The following EPHA4 variants were observed in gnomAD, a reference collection of about 807,000 sequenced individuals.
EPHA4 encodes EPH receptor A4.
A neutral mutation model predicts 108.3 loss-of-function variants in EPHA4; 19 were observed. That is an observed-to-expected ratio of 0.18 (90% CI 0.12 to 0.26). The LOEUF (loss-of-function observed/expected upper bound fraction) is 0.26, where lower values mean the gene tolerates loss of function less well. Among genes scored for constraint, EPHA4 ranks in the 10% least tolerant of loss-of-function variants. EPHA4 has a pLI of 1.00. For missense variants in EPHA4, 917 were observed against 1,254.0 expected, an observed-to-expected ratio of 0.73 and a Z score of 4.06; for synonymous variants, 449 against 455.5, an observed-to-expected ratio of 0.99 and a Z score of 0.18.
chr2:221,454,218 A>C (rs1007987772), intron 8 of EPHA4, among the ~76,000 whole-genome samples: 6 of 151,824 alleles, frequency 4.0e-5, no homozygotes, highest in Non-Finnish European at 8.8e-5. Flanking sequence ...ACATGTACCA[A>C]CTGGGACCAT....
intron 3 of EPHA4, among the ~76,000 whole-genome samples, chr2:221,527,706 G>A (rs569816143): frequency 1.3e-5 from 2 of 152,310 alleles, no homozygotes; most frequent in Admixed American, 6.5e-5. Context: ...GCCTGGATCA[G>A]TTCTGAAGAT....
intron 3 of EPHA4, among the ~76,000 whole-genome samples, chr2:221,560,203 G>A (rs1694421170): frequency 6.6e-6 from 1 of 151,866 alleles, no homozygotes; most frequent in African/African-American, 2.4e-5. Context: ...AAGGAAGATG[G>A]ATGAGGAAGT....
intron 15 of EPHA4, among the ~76,000 whole-genome samples, chr2:221,427,697 A>C (rs951202653): frequency 1.3e-5 from 2 of 150,860 alleles, no homozygotes; most frequent in Non-Finnish European, 2.9e-5. Context: ...TTAAGTACAA[A>C]CATTTAAATC....
chr2:221,502,448 G>C (rs979586363), intron 3 of EPHA4: 14 of 465,660 alleles, frequency 3.0e-5, no homozygotes, highest in African/African-American at 2.8e-4. Flanking sequence ...AACAGCAGTG[G>C]GGAGAAGGAC....
chr2:221,466,609 C>T (rs1691320727), intron 5 of EPHA4, among the ~76,000 whole-genome samples: 1 of 152,222 alleles, frequency 6.6e-6, no homozygotes, highest in Non-Finnish European at 1.5e-5. Flanking sequence ...ATGTCTGTAA[C>T]AACATACACA....
At chr2:221,435,793 G>A (rs1045987279) in intron 13 of EPHA4, among the ~76,000 whole-genome samples, 2 of 152,102 alleles carry the variant, frequency 1.3e-5, no homozygotes, top group African/African-American at 4.8e-5. Context: ...GGAAAACCTT[G>A]CATGGTATAA....
At position 221,562,273 on chromosome 2, in the gene EPHA4, C is replaced by A. The variant is rs1694492234; in HGVS notation, c.823+1458G>T. ...AGATAGCCACTCTTTTTTCTATTTA[C>A]CACAAAATGAAAGAACATTCACTGT... On this transcript the variant is annotated intron_variant, in intron 3 of 17. Transcript: ENST00000281821. 3.3e-5 allele frequency among the ~76,000 whole-genome samples: 5 copies of A among 150,028 alleles called. No homozygotes were observed. In the South Asian group the frequency reaches 1.1e-3, roughly 32 times the overall value.
In EPHA4 at chr2:221,425,686, G is replaced by C. The variant is rs1171737580; in HGVS notation, c.*342C>G. On this transcript the variant is annotated 3_prime_UTR_variant, in exon 17 of 18. Transcript: ENST00000281821. ...TAATTCCAAATGGAGAGAGAATCAGGGATGTCTCAGAAGCTCAGTGTCTGG... is the reference window on the plus strand; with the variant it reads ...TAATTCCAAATGGAGAGAGAATCAGCGATGTCTCAGAAGCTCAGTGTCTGG... 1 of 205,856 alleles carries C rather than the reference G, an allele frequency of 4.9e-6. No homozygotes were observed. The highest frequency in any genetic ancestry group is 5.5e-5 in the Admixed American group (1 of 18,124). The allele number at this position is 205,856 out of a possible 1,614,324, so 12.8% of individuals were successfully genotyped here. A position where few individuals can be genotyped will look rare whatever the true frequency, so the allele number is the denominator to read the frequency against.
chr2:221,572,356 G>A (rs1403745996), upstream of EPHA4: 2 of 976,162 alleles, frequency 2.0e-6, no homozygotes, highest in Non-Finnish European at 3.1e-6. Context: ...GGGCCCGGCC[G>A]GTGACGTGAG....
In EPHA4 at chr2:221,571,687, A is replaced by G. The variant is rs1694843412; in HGVS notation, c.91+471T>C. Among the ~76,000 whole-genome samples, 1 of 152,182 alleles carries G rather than the reference A, an allele frequency of 6.6e-6. No homozygotes were observed. Among genetic ancestry groups the G allele is most frequent in the Non-Finnish European group, 1.5e-5 (1 of 68,020 alleles). On this transcript the variant is annotated intron_variant, in intron 1 of 17. Coordinates refer to ENST00000281821, the MANE Select transcript of EPHA4 (RefSeq NM_004438.5). This position sits in a 1 kb window ranked among gnomAD's most constrained non-coding sequence, Gnocchi z 6.3. ...CAGGCCCCGCAGCCCGGTCCCGAGA[A>G]GCGCAGGGCTCGGGAAACTTTGCAG...
intron 3 of EPHA4, among the ~76,000 whole-genome samples, chr2:221,548,211 G>A (rs552903865): frequency 4.6e-5 from 7 of 152,148 alleles, no homozygotes; most frequent in Non-Finnish European, 1.0e-4. Context: ...GGACAAATTA[G>A]CCAGGCGTGG....
At chr2:221,458,078 A>G in intron 5 of EPHA4, 88 bp from the exon 6 acceptor site, 4 of 1,508,300 alleles carry the variant, frequency 2.7e-6, no homozygotes, top group Non-Finnish European at 3.6e-6. Flanking sequence ...CATCTTATTT[A>G]AGAAAAGTGT....
intron 3 of EPHA4, among the ~76,000 whole-genome samples, chr2:221,538,431 C>T (rs1226730101): frequency 1.3e-5 from 2 of 152,138 alleles, no homozygotes; most frequent in Non-Finnish European, 1.5e-5. Flanking sequence ...TGACTAGCAG[C>T]CTAGAGCTAT....
chr2:221,427,021 C>T (rs1000776551), intron 15 of EPHA4, among the ~76,000 whole-genome samples: 2 of 152,132 alleles, frequency 1.3e-5, no homozygotes, highest in African/African-American at 2.4e-5. Context: ...ACTATGGAAA[C>T]CCTAGTGAAG....
intron 4 of EPHA4, among the ~76,000 whole-genome samples, chr2:221,499,867 C>T (rs1692439730): frequency 6.7e-6 from 1 of 148,768 alleles, no homozygotes; most frequent in South Asian, 2.1e-4. Context: ...AAGTGATTCT[C>T]CAGCCTCAGC....
intron 14 of EPHA4, among the ~76,000 whole-genome samples, chr2:221,433,135 T>G (rs1559237513): frequency 6.6e-6 from 1 of 152,186 alleles, no homozygotes; most frequent in Non-Finnish European, 1.5e-5. Context: ...GCATTGAACA[T>G]TCTTTAATTG....
In EPHA4 at chr2:221,441,072, C is replaced by A. The variant is rs554766771; in HGVS notation, c.2074+1757G>T. ...ATTCTTATGTTTGAGGACCCCTGAA[C>A]TGTATAGTGTGTACTTTCTCTCCCA... On this transcript the variant is annotated intron_variant, in intron 11 of 17. Transcript: ENST00000281821. 4.6e-5 allele frequency among the ~76,000 whole-genome samples: 7 copies of A among 152,246 alleles called. No homozygotes were observed. In the South Asian group the frequency reaches 1.5e-3, roughly 32 times the overall value.
chr2:221,444,739 T>C (rs980087389), intron 9 of EPHA4, among the ~76,000 whole-genome samples: 1 of 139,634 alleles, frequency 7.2e-6, no homozygotes, highest in Non-Finnish European at 1.5e-5. Flanking sequence ...TCTCTTTTTT[T>C]CTATCTTTTT....
chr2:221,518,538 A>T (rs1424038463), intron 3 of EPHA4, among the ~76,000 whole-genome samples: 1 of 152,206 alleles, frequency 6.6e-6, no homozygotes, highest in Non-Finnish European at 1.5e-5. Flanking sequence ...AAATATGTAG[A>T]CTAAGTATAC....
Sources: gnomAD v4.1 joint callset for allele counts (sites outside exome capture counted in the v4.1 genomes callset) on GRCh38, gnomAD v4.1.1 for gene constraint, Gnocchi (gnomAD v3.1) non-coding constraint, MANE v1.5 for transcripts, NCBI Gene and HGNC (gene_info 2026-07-23, HGNC 2026-07-21) for gene names.